HSPH1: variants seen among roughly 807,000 people sequenced by gnomAD.
HSPH1 encodes heat shock protein family H (Hsp110) member 1.
A neutral mutation model predicts 100.0 loss-of-function variants in HSPH1; 40 were observed. The ratio of observed to expected loss-of-function variants is 0.40; its 90% CI spans 0.31 to 0.52. The LOEUF is 0.52. HSPH1 is among the 20% of genes least tolerant of loss of function. HSPH1 has a pLI of 0.54. For synonymous variants in HSPH1, 403 were observed against 344.0 expected (o/e 1.17, Z -1.90); for missense variants, 876 against 1,015.1 (o/e 0.86, Z 1.86).
In HSPH1 at chr13:31,151,276, A is replaced by C. The variant is rs138971339; in HGVS notation, c.664-85T>G. 1,115 of 1,084,396 alleles carry C rather than the reference A, an allele frequency of 1.0e-3. 8 individuals are homozygous for C. In the African/African-American group the frequency reaches 0.016, roughly 16 times the overall value. The allele number at this position is 1,084,396 out of a possible 1,614,324, so 67.2% of individuals were successfully genotyped here. A position where few individuals can be genotyped will look rare whatever the true frequency, so the allele number is the denominator to read the frequency against. On this transcript the variant is annotated intron_variant, in intron 6 of 17. Coordinates refer to ENST00000320027, the MANE Select transcript of HSPH1 (RefSeq NM_006644.4). ...CTTAAATATTACTACTCAAACAATG[A>C]AAGACTAAGAGACTCAAGACTATAT...
chr13:31,143,645 T>C, intron 12 of HSPH1, 147 bp downstream of exon 12: 1 of 711,404 alleles, frequency 1.4e-6, no homozygotes, highest in East Asian at 3.2e-5. Flanking sequence ...TGGTTTTAGT[T>C]GAAAAATACA....
At chr13:31,155,443 TAACTC>T in intron 3 of HSPH1, 66 bp downstream of exon 3, 1 of 1,247,462 alleles carries the variant, frequency 8.0e-7, no homozygotes, top group Non-Finnish European at 1.1e-6. Context: ...ATTTAAGTAA[TAACTC>T]AAATAAGTTC....
intron 3 of HSPH1, 55 bp downstream of exon 3, chr13:31,155,459 G>A (rs1364763024): frequency 1.4e-5 from 20 of 1,382,234 alleles, no homozygotes; most frequent in Middle Eastern, 1.9e-4. Flanking sequence ...AAATAAGTTC[G>A]TATTTTTAAG....
At chr13:31,158,785 G>A (rs9539236) in intron 2 of HSPH1, 21 bp downstream of exon 2, 5 of 1,552,338 alleles carry the variant, frequency 3.2e-6, no homozygotes, top group South Asian at 2.2e-5. Context: ...AAAGTGATCC[G>A]AATTCTCTTA....
At chr13:31,145,468 G>A (rs964644831) in intron 11 of HSPH1, 95 bp downstream of exon 11, 1 of 872,014 alleles carries the variant, frequency 1.1e-6, no homozygotes, top group Non-Finnish European at 1.8e-6. Flanking sequence ...ATTCATGAAG[G>A]AAAACATTCA....
chr13:31,161,813 G>A lies in HSPH1; in HGVS notation c.-231C>T. 4 of 1,481,132 alleles carry A rather than the reference G, an allele frequency of 2.7e-6. No homozygotes were observed. The highest frequency in any genetic ancestry group is 3.6e-6 in the Non-Finnish European group (4 of 1,117,394). The allele number at this position is 1,481,132 out of a possible 1,614,324, so 91.7% of individuals were successfully genotyped here. A position where few individuals can be genotyped will look rare whatever the true frequency, so the allele number is the denominator to read the frequency against. On this transcript the variant is annotated 5_prime_UTR_variant, in exon 1 of 18. Transcript: ENST00000320027. ...GATAAGAAACCCTGGGAGAAAGCGG[G>A]GCTCAGCCTCCGCAGGTCGCTCCGC...
chr13:31,159,753 C>T (rs1040655787), intron 1 of HSPH1, among the ~76,000 whole-genome samples: 8 of 152,102 alleles, frequency 5.3e-5, no homozygotes, highest in African/African-American at 1.4e-4. Flanking sequence ...ATACTGAGGG[C>T]ATTAAGTACC....
chr13:31,161,996 G>A (rs754490093), upstream of HSPH1: 5 of 1,535,934 alleles, frequency 3.3e-6, no homozygotes, highest in African/African-American at 1.4e-5. Context: ...GCCTCCACCG[G>A]CCCCTCCACG....
At chr13:31,138,327 T>C (rs1333933050) in intron 17 of HSPH1, 80 bp downstream of exon 17, 11 of 1,282,920 alleles carry the variant, frequency 8.6e-6, no homozygotes, top group African/African-American at 4.6e-5. Context: ...ACAGGAAAAA[T>C]GGCTATGTTG....
In HSPH1 at chr13:31,155,630, C is replaced by G. The variant is rs756455325; in HGVS notation, c.190G>C (p.Val64Leu). 6.2e-7 allele frequency: 1 copy of G among 1,608,084 alleles called. No individual in the cohort carries two copies. Among genetic ancestry groups the G allele is most frequent in the Non-Finnish European group, 8.5e-7 (1 of 1,177,444 alleles). Residue 64 changes from valine to leucine, a missense_variant, in exon 3 of 18, where the codon GTG becomes CTG. By Grantham distance (32) the Val-to-Leu change is conservative (BLOSUM62 1). Coordinates refer to ENST00000320027, the MANE Select transcript of HSPH1 (RefSeq NM_006644.4). ...CCATGAAATCTTTTGAAGTTAGACA[C>G]CGTATTGTTTGCATGAGTGATTTGC... ...NQQITHANNT[V>L]SNFKRFHGRA... is the part of the protein sequence containing the mutation.
At position 31,151,667 on chromosome 13, in the gene HSPH1, T is replaced by C. The variant is rs2137610191; in HGVS notation, c.605A>G (p.Asp202Gly). 1 of 1,613,120 alleles carries C rather than the reference T, an allele frequency of 6.2e-7. No individual in the cohort carries two copies. The highest frequency in any genetic ancestry group is 8.5e-7 in the Non-Finnish European group (1 of 1,179,454). Residue 202 changes from aspartate to glycine, a missense_variant, in exon 6 of 18, where the codon GAT becomes GGT. Asp to Gly is a moderately conservative substitution (Grantham distance 94, BLOSUM62 -1). Transcript: ENST00000320027. The stretch of plus-strand genomic sequence containing the variant: ...CACTTGAAAAGCTGAATGTCCCATA[T>C]CAACAAAAACCACTATCCGAGGTTT... ...DEKPRIVVFV[D>G]MGHSAFQVSA... is the part of the protein sequence containing the mutation.
chr13:31,150,476 T>C (rs1001127410), intron 7 of HSPH1, among the ~76,000 whole-genome samples: 4 of 152,184 alleles, frequency 2.6e-5, no homozygotes, highest in African/African-American at 2.4e-5. Flanking sequence ...TCTTGCTGAG[T>C]GCAGTGGCAC....
chr13:31,151,678 C>T lies in HSPH1; in HGVS notation c.594G>A (p.Val198=). 1 of 1,612,858 alleles carries T rather than the reference C, an allele frequency of 6.2e-7. No individual in the cohort carries two copies. The highest frequency in any genetic ancestry group is 8.5e-7 in the Non-Finnish European group (1 of 1,179,426). The change falls in exon 6 of 18, where the codon GTG becomes GTA. Residue 198 remains valine, a synonymous_variant. Transcript: ENST00000320027. Reference sequence around the variant, plus strand: ...CTGAATGTCCCATATCAACAAAAACCACTATCCGAGGTTTCTCATCCAGGC... The same window carrying T: ...CTGAATGTCCCATATCAACAAAAACTACTATCCGAGGTTTCTCATCCAGGC... ...LPSLDEKPRI[V]VFVDMGHSAF...
chr13:31,161,647 C>T lies in HSPH1; in HGVS notation c.-65G>A. On this transcript the variant is annotated 5_prime_UTR_variant, in exon 1 of 18. Transcript: ENST00000320027. ...GCGTCCTCCGGCCCCCTGCCTGCTT[C>T]TCCTGCCGCCGCTTTCTGCCCTGGC... 1 of 1,593,840 alleles carries T rather than the reference C, an allele frequency of 6.3e-7. No individual in the cohort carries two copies. Among genetic ancestry groups the T allele is most frequent in the Non-Finnish European group, 8.5e-7 (1 of 1,175,618 alleles).
chr13:31,143,713 G>C, intron 12 of HSPH1, 79 bp downstream of exon 12: 3 of 1,244,426 alleles, frequency 2.4e-6, no homozygotes, highest in South Asian at 2.1e-5. Flanking sequence ...GCTTGCTCTT[G>C]AAACTGCAAT....
intron 2 of HSPH1, 93 bp from the exon 3 acceptor site, chr13:31,155,747 A>T: frequency 8.9e-7 from 1 of 1,118,514 alleles, no homozygotes; most frequent in Non-Finnish European, 1.3e-6. Flanking sequence ...TTACAACTCA[A>T]ACCAATCCTA....
chr13:31,145,464 G>T, intron 11 of HSPH1, 99 bp downstream of exon 11: 1 of 841,862 alleles, frequency 1.2e-6, no homozygotes, highest in Non-Finnish European at 1.9e-6. Flanking sequence ...AATTATTCAT[G>T]AAGGAAAACA....
chr13:31,162,070 C>T (rs1045692758), upstream of HSPH1: 11 of 1,536,146 alleles, frequency 7.2e-6, no homozygotes, highest in Admixed American at 2.0e-4. Flanking sequence ...GCAGCCGGTC[C>T]CCGGAGAACG....
chr13:31,160,720 TAAATA>T (rs1956867800), intron 1 of HSPH1, among the ~76,000 whole-genome samples: 1 of 152,174 alleles, frequency 6.6e-6, no homozygotes, highest in South Asian at 2.1e-4. Flanking sequence ...TATTCTCTTT[TAAATA>T]AACTGTGCAA....
Sources: allele counts gnomAD v4.1 joint callset (sites outside exome capture counted in the v4.1 genomes callset), GRCh38; gene constraint gnomAD v4.1.1; transcripts MANE v1.5; gene names NCBI Gene and HGNC (gene_info 2026-07-23, HGNC 2026-07-21).